Variants in GFAP observed in about 807,000 individuals in gnomAD.
GFAP encodes the protein glial fibrillary acidic protein.
A neutral mutation model predicts 49.3 loss-of-function variants in GFAP; 38 were observed. The observed-to-expected ratio is 0.77, with a 90% confidence interval of 0.60 to 1.01. The LOEUF (loss-of-function observed/expected upper bound fraction) is 1.01, where lower values mean the gene tolerates loss of function less well. Among genes scored for constraint, GFAP ranks in the 50% least tolerant of loss-of-function variants. GFAP has a pLI of 0.00. For missense variants in GFAP, 463 were observed against 579.1 expected, an observed-to-expected ratio of 0.80 and a Z score of 2.06; for synonymous variants, 222 against 236.4, an observed-to-expected ratio of 0.94 and a Z score of 0.56.
chr17:44,905,556 G>A lies in GFAP; in HGVS notation c.*1791C>T, dbSNP rs186105593. ...CCAGAGATGATCAGTAATAAGAAAT[G>A]AGTTGGTCTTGTCAAAGGCTACATC... On this transcript the variant is annotated 3_prime_UTR_variant, in exon 9 of 9. Coordinates refer to ENST00000588735, the MANE Select transcript of GFAP (RefSeq NM_002055.5). The A allele has an allele frequency of 6.1e-6, 1 of 162,752 alleles. No homozygotes were observed. Among genetic ancestry groups the A allele is most frequent in the Admixed American group, 5.9e-5 (1 of 16,892 alleles). 10.1% of individuals were successfully genotyped at this position (162,752 alleles called of 1,614,324 possible). A position where few individuals can be genotyped will look rare whatever the true frequency, so the allele number is the denominator to read the frequency against.
At position 44,903,475 on chromosome 17, in the gene GFAP, G is replaced by A; in HGVS notation, c.*3872C>T. 1 of 1,271,520 alleles carries A rather than the reference G, an allele frequency of 7.9e-7. No homozygotes were observed. Among genetic ancestry groups the A allele is most frequent in the Non-Finnish European group, 9.9e-7 (1 of 1,011,648 alleles). 78.8% of individuals were successfully genotyped at this position (1,271,520 alleles called of 1,614,324 possible). ...GGCAGGGCAGGGCCTGGAGCACTGA[G>A]GCAGAGATCTCCCTGCCCGAGCACC... On this transcript the variant is annotated 3_prime_UTR_variant, in exon 9 of 9. Coordinates refer to ENST00000588735, the MANE Select transcript of GFAP (RefSeq NM_002055.5).
In GFAP at chr17:44,903,911, C is replaced by T. The variant is rs1265003583; in HGVS notation, c.*3436G>A. The T allele has an allele frequency of 6.4e-7, 1 of 1,550,462 alleles. No individual in the cohort carries two copies. The highest frequency in any genetic ancestry group is 8.7e-7 in the Non-Finnish European group (1 of 1,146,968). On this transcript the variant is annotated 3_prime_UTR_variant, in exon 9 of 9. Coordinates refer to ENST00000588735, the MANE Select transcript of GFAP (RefSeq NM_002055.5). Reference sequence around the variant, plus strand: ...AATTGTGGAGAAGGAAAACATTTTTCAGAGGACCCCCTGCCCTGCTTTCCT... The same window carrying T: ...AATTGTGGAGAAGGAAAACATTTTTTAGAGGACCCCCTGCCCTGCTTTCCT...
intron 1 of GFAP, 90 bp from the exon 2 acceptor site, chr17:44,914,178 G>A: frequency 2.2e-6 from 2 of 893,956 alleles, no homozygotes; most frequent in South Asian, 2.8e-5. Flanking sequence ...CTGTCACAGA[G>A]ACCACCCCCA....
Position 44,903,315 on chromosome 17 carries a change from A to C in GFAP, c.*4032T>G. 1 of 1,245,562 alleles carries C rather than the reference A, an allele frequency of 8.0e-7. No individual in the cohort carries two copies. Among genetic ancestry groups the C allele is most frequent in the Non-Finnish European group, 1.0e-6 (1 of 995,832 alleles). 77.2% of individuals were successfully genotyped at this position (1,245,562 alleles called of 1,614,324 possible). A position where few individuals can be genotyped will look rare whatever the true frequency, so the allele number is the denominator to read the frequency against. On this transcript the variant is annotated 3_prime_UTR_variant, in exon 9 of 9. Coordinates refer to ENST00000588735, the MANE Select transcript of GFAP (RefSeq NM_002055.5). ...GTGTTGAATTTTCCCCTAGAGACTC[A>C]GTTCTTGTGCAGGTTGGGCCTGGGA...
chr17:44,905,016 A>G lies in GFAP; in HGVS notation c.*2331T>C. The stretch of plus-strand genomic sequence containing the variant: ...ATCACAGCAGTCTTTGTCACCATTC[A>G]CTTCTGTCGTTGCTGCTGCTACTTA... On this transcript the variant is annotated 3_prime_UTR_variant, in exon 9 of 9. Transcript: ENST00000588735. 3 of 1,550,132 alleles carry G rather than the reference A, an allele frequency of 1.9e-6. No homozygotes were observed. The highest frequency in any genetic ancestry group is 2.6e-6 in the Non-Finnish European group (3 of 1,146,436).
At chr17:44,910,510 G>A (rs548993802) in intron 7 of GFAP, 105 bp downstream of exon 7, 1 of 1,552,856 alleles carries the variant, frequency 6.4e-7, no homozygotes, top group East Asian at 2.4e-5. Flanking sequence ...AGGGAGAGCT[G>A]GATCCCTTTG....
chr17:44,914,931 G>A (rs1295657522), intron 1 of GFAP, 95 bp downstream of exon 1: 5 of 1,075,538 alleles, frequency 4.6e-6, no homozygotes, highest in East Asian at 5.0e-5. Flanking sequence ...AGGGAGCAGG[G>A]AGGTTCGGCC....
chr17:44,903,506 C>G lies in GFAP; in HGVS notation c.*3841G>C. 4 of 1,281,966 alleles carry G rather than the reference C, an allele frequency of 3.1e-6. No homozygotes were observed. The highest frequency in any genetic ancestry group is 3.9e-6 in the Non-Finnish European group (4 of 1,017,976). 79.4% of individuals were successfully genotyped at this position (1,281,966 alleles called of 1,614,324 possible). A position where few individuals can be genotyped will look rare whatever the true frequency, so the allele number is the denominator to read the frequency against. On this transcript the variant is annotated 3_prime_UTR_variant, in exon 9 of 9. Transcript: ENST00000588735. ...GATCTCCCTGCCCGAGCACCTCGGC[C>G]CGCCCTTCTCATTCCGGTTTCCTTT...
rs1356979586 is a variant in GFAP, at chr17:44,911,756, C to A, written c.822G>T (p.Leu274=). ...LTDAAARNAE[L]LRQAKHEAND... ...TGGCTTCGTGCTTGGCCTGGCGGAG[C>A]AGCTCCGCGTTGCGGGCAGCAGCGT... The change falls in exon 5 of 9, where the codon CTG becomes CTT. Residue 274 remains leucine, a synonymous_variant. Coordinates refer to ENST00000588735, the MANE Select transcript of GFAP (RefSeq NM_002055.5). 6.2e-7 allele frequency: 1 copy of A among 1,613,794 alleles called. No homozygotes were observed. The highest frequency in any genetic ancestry group is 8.5e-7 in the Non-Finnish European group (1 of 1,179,994).
At position 44,905,346 on chromosome 17, in the gene GFAP, A is replaced by C; in HGVS notation, c.*2001T>G. ...TTTAGGTCAGAGAAGGAAAGTGTGA[A>C]CTCAGATTTATCCAGTGGTAAACAC... On this transcript the variant is annotated 3_prime_UTR_variant, in exon 9 of 9. Coordinates refer to ENST00000588735, the MANE Select transcript of GFAP (RefSeq NM_002055.5). 1 of 458,570 alleles carries C rather than the reference A, an allele frequency of 2.2e-6. No homozygotes were observed. Among genetic ancestry groups the C allele is most frequent in the Non-Finnish European group, 4.1e-6 (1 of 245,960 alleles). 28.4% of individuals were successfully genotyped at this position (458,570 alleles called of 1,614,324 possible).
Position 44,904,018 on chromosome 17 carries a change from A to G in GFAP, c.*3329T>C. 6.4e-7 allele frequency: 1 copy of G among 1,550,652 alleles called. No homozygotes were observed. Among genetic ancestry groups the G allele is most frequent in the Non-Finnish European group, 8.7e-7 (1 of 1,147,004 alleles). On this transcript the variant is annotated 3_prime_UTR_variant, in exon 9 of 9. Coordinates refer to ENST00000588735, the MANE Select transcript of GFAP (RefSeq NM_002055.5). ...GCAAACCCGAAGAGGTGCCAGCTGT[A>G]GTCTGGTTCTACCAAAAGCACCTAG...
In GFAP at chr17:44,913,630, CTGAG is replaced by C. The variant is rs1311365815; in HGVS notation, c.618+94_618+97del. On this transcript the variant is annotated intron_variant, in intron 3 of 8. Coordinates refer to ENST00000588735, the MANE Select transcript of GFAP (RefSeq NM_002055.5). ...GCCAATCTCTGTTTCTCTCCTCTCTCTGAGTGTCTCTCTCAGTCTCAGCTTCTCT... is the reference window on the plus strand; with the variant it reads ...GCCAATCTCTGTTTCTCTCCTCTCTCTGTCTCTCTCAGTCTCAGCTTCTCT... 2.8e-6 allele frequency: 3 copies of C among 1,081,172 alleles called. No individual in the cohort carries two copies. The African/African-American group carries it at 4.6e-5, about 17-fold the overall frequency. The allele number at this position is 1,081,172 out of a possible 1,614,324, so 67.0% of individuals were successfully genotyped here. A position where few individuals can be genotyped will look rare whatever the true frequency, so the allele number is the denominator to read the frequency against.
In GFAP at chr17:44,915,411, C is replaced by T. The variant is rs1231379140; in HGVS notation, c.76G>A (p.Ala26Thr). 6.2e-7 allele frequency: 1 copy of T among 1,606,452 alleles called. No homozygotes were observed. The highest frequency in any genetic ancestry group is 8.5e-7 in the Non-Finnish European group (1 of 1,176,042). Residue 26 changes from alanine (A) to threonine (T), a missense_variant, in exon 1 of 9, where the codon GCT (alanine) becomes ACT (threonine). By Grantham distance (58) the Ala-to-Thr change is moderately conservative. Coordinates refer to ENST00000588735, the MANE Select transcript of GFAP (RefSeq NM_002055.5). This position sits in a 1 kb window ranked among gnomAD's most constrained non-coding sequence, Gnocchi z 4.1. Reference protein sequence around the residue: ...SSGEMMVGGLAPGRRLGPGTR... With the variant: ...SSGEMMVGGLTPGRRLGPGTR... ...CCAGGACCCAGACGGCGGCCAGGAG[C>T]CAGGCCCCCCACCATCATCTCCCCT...
At chr17:44,907,914 A>G in intron 8 of GFAP, 150 bp downstream of exon 8, 1 of 765,654 alleles carries the variant, frequency 1.3e-6, no homozygotes, top group Non-Finnish European at 2.4e-6. Context: ...AATTACATTC[A>G]GTTTCCTTGC....
chr17:44,913,971 G>A, intron 2 of GFAP, 57 bp downstream of exon 2: 1 of 1,358,052 alleles, frequency 7.4e-7, no homozygotes, highest in East Asian at 2.4e-5. Flanking sequence ...CTGTGTTTGG[G>A]TGGGTGGCCA....
At position 44,905,102 on chromosome 17, in the gene GFAP, C is replaced by T. The variant is rs1195329261; in HGVS notation, c.*2245G>A. The T allele has an allele frequency of 1.4e-6, 2 of 1,469,552 alleles. No individual in the cohort carries two copies. Among genetic ancestry groups the T allele is most frequent in the African/African-American group, 1.4e-5 (1 of 71,082 alleles). 91.0% of individuals were successfully genotyped at this position (1,469,552 alleles called of 1,614,324 possible). A position where few individuals can be genotyped will look rare whatever the true frequency, so the allele number is the denominator to read the frequency against. ...CTCTTCAGCTCTGAAGACCAGTTGT[C>T]CTTCAATGTGTTTGTTAAATGATAC... On this transcript the variant is annotated 3_prime_UTR_variant, in exon 9 of 9. Coordinates refer to ENST00000588735, the MANE Select transcript of GFAP (RefSeq NM_002055.5).
chr17:44,903,883 T>C lies in GFAP; in HGVS notation c.*3464A>G. On this transcript the variant is annotated 3_prime_UTR_variant, in exon 9 of 9. Transcript: ENST00000588735. ...TGTGGGCATGGGGGCTCCAGGCCTT[T>C]GAAATTGTGGAGAAGGAAAACATTT... is the stretch of plus-strand genomic sequence containing the variant. 6 of 1,550,510 alleles carry C rather than the reference T, an allele frequency of 3.9e-6. No homozygotes were observed. Among genetic ancestry groups the C allele is most frequent in the Non-Finnish European group, 5.2e-6 (6 of 1,146,968 alleles).
chr17:44,910,224 A>G (rs1197643378), intron 7 of GFAP: 2 of 1,613,850 alleles, frequency 1.2e-6, no homozygotes, highest in East Asian at 4.5e-5. Flanking sequence ...ATATCTTGTG[A>G]CCTTGTGATT....
chr17:44,904,144 C>T lies in GFAP; in HGVS notation c.*3203G>A. 1.9e-6 allele frequency: 3 copies of T among 1,550,390 alleles called. No individual in the cohort carries two copies. The highest frequency in any genetic ancestry group is 2.6e-6 in the Non-Finnish European group (3 of 1,146,776). On this transcript the variant is annotated 3_prime_UTR_variant, in exon 9 of 9. Transcript: ENST00000588735. ...GCGACATGCTGACCCGCTTCAGCAT[C>T]CGCATGTTCAGCTTGTTGGTTTTCA...
Sources: gnomAD v4.1 joint callset for allele counts on GRCh38, gnomAD v4.1.1 for gene constraint, Gnocchi (gnomAD v3.1) non-coding constraint, MANE v1.5 for transcripts, NCBI Gene and HGNC (gene_info 2026-07-23, HGNC 2026-07-21) for gene names.